ZFAND4: variants seen among roughly 807,000 people sequenced by gnomAD.
The protein encoded by ZFAND4 is AN1-type zinc finger protein 4.
Under a neutral mutation model 64.4 loss-of-function variants are expected in ZFAND4, and 43 were observed. The ratio of observed to expected loss-of-function variants is 0.67; its 90% CI spans 0.52 to 0.86. The LOEUF (loss-of-function observed/expected upper bound fraction) is 0.86, where lower values mean the gene tolerates loss of function less well. Ranked by LOEUF, ZFAND4 falls within the 40% of genes least tolerant of loss-of-function variation. ZFAND4 has a pLI of 0.00. For missense variants in ZFAND4, 929 were observed against 859.8 expected (o/e 1.08, Z -1.01); for synonymous variants, 296 against 305.7 (o/e 0.97, Z 0.33).
At chr10:45,654,635 T>C (rs948630858) in intron 2 of ZFAND4, among the ~76,000 whole-genome samples, 2 of 151,080 alleles carry the variant, frequency 1.3e-5, no homozygotes, top group African/African-American at 4.9e-5. Context: ...AAAAAAGATA[T>C]CATGAATCAG....
chr10:45,656,238 AG>A (rs2048094235), intron 2 of ZFAND4, among the ~76,000 whole-genome samples: 1 of 16,872 alleles, frequency 5.9e-5, no homozygotes, highest in Non-Finnish European at 1.1e-4. Context: ...TAAAAAGAAA[AG>A]AGAAGAGAAG....
At chr10:45,620,592 A>G (rs1383695013) in intron 8 of ZFAND4, among the ~76,000 whole-genome samples, 1 of 152,188 alleles carries the variant, frequency 6.6e-6, no homozygotes, top group Non-Finnish European at 1.5e-5. Context: ...GCCTCCATAC[A>G]TCCTTCTACC....
At chr10:45,666,631 A>G (rs2048844622) in intron 1 of ZFAND4, among the ~76,000 whole-genome samples, 1 of 152,180 alleles carries the variant, frequency 6.6e-6, no homozygotes, top group African/African-American at 2.4e-5. Flanking sequence ...TATGTTTCTA[A>G]AAATTGTAGT....
intron 6 of ZFAND4, among the ~76,000 whole-genome samples, chr10:45,633,327 T>C (rs1423995074): frequency 6.6e-6 from 1 of 152,088 alleles, no homozygotes; most frequent in Non-Finnish European, 1.5e-5. Flanking sequence ...AAAAGTGCTA[T>C]TAGATCCCAA....
intron 1 of ZFAND4, among the ~76,000 whole-genome samples, chr10:45,665,591 T>G (rs547725362): frequency 3.9e-4 from 59 of 150,644 alleles, no homozygotes; most frequent in African/African-American, 1.0e-3. Flanking sequence ...TGCCATAAAA[T>G]TCACTCATTT....
At chr10:45,630,650 C>T (rs539970064) in intron 6 of ZFAND4, among the ~76,000 whole-genome samples, 59 of 151,992 alleles carry the variant, frequency 3.9e-4, no homozygotes, top group Non-Finnish European at 5.9e-4. Context: ...GGCATGAACC[C>T]GGAAGACAAA....
intron 8 of ZFAND4, among the ~76,000 whole-genome samples, chr10:45,622,880 CT>C (rs1189445900): frequency 6.6e-6 from 1 of 151,734 alleles, no homozygotes; most frequent in Non-Finnish European, 1.5e-5. Context: ...TGGAAAGTAT[CT>C]TTAATAAAGC....
intron 9 of ZFAND4, among the ~76,000 whole-genome samples, chr10:45,617,439 GC>G: frequency 6.6e-6 from 1 of 151,958 alleles, no homozygotes; most frequent in South Asian, 2.1e-4. Flanking sequence ...ACCAGCCTAG[GC>G]AATATAGTGA....
intron 4 of ZFAND4, chr10:45,649,822 C>G (rs1004201156): frequency 6.6e-6 from 1 of 152,122 alleles, no homozygotes; most frequent in African/African-American, 2.4e-5. Flanking sequence ...AAAAACCCAA[C>G]AAAACACAAC....
At position 45,663,684 on chromosome 10, in the gene ZFAND4, G is replaced by T. The variant is rs756620121; in HGVS notation, c.42C>A (p.Asn14Lys). 6.2e-7 allele frequency: 1 copy of T among 1,605,712 alleles called. No individual in the cohort carries two copies. The change falls in exon 2 of 10, where the codon AAC becomes AAA. Residue 14 changes from asparagine (N) to lysine (K), a missense_variant. Transcript: ENST00000344646. ...RKEPPFFNDD[N>K]MGPFYYRLHF... Reference sequence around the variant, plus strand: ...GAAGTCTGTAGTAAAATGGTCCCATGTTATCATCATTGAAGAATGGAGGCT... The same window carrying T: ...GAAGTCTGTAGTAAAATGGTCCCATTTTATCATCATTGAAGAATGGAGGCT...
intron 1 of ZFAND4, among the ~76,000 whole-genome samples, chr10:45,665,659 A>G (rs2048778957): frequency 6.6e-6 from 1 of 152,176 alleles, no homozygotes; most frequent in Non-Finnish European, 1.5e-5. Context: ...CAATCACCAC[A>G]TTTGCTTTAG....
rs556476712 is a variant in ZFAND4 at position 45,635,391 on chromosome 10, G to T, written c.717+4425C>A. 3.0e-4 allele frequency among the ~76,000 whole-genome samples: 46 copies of T among 152,088 alleles called. No homozygotes were observed. The South Asian group carries it at 7.3e-3, about 24-fold the overall frequency. On this transcript the variant is annotated intron_variant, in intron 6 of 9. Transcript: ENST00000344646. ...ACAGACCCACAGTGAACTTATTTTT[G>T]ATAAAGATGCCAAGAACATACACTG...
chr10:45,627,130 C>A, intron 6 of ZFAND4, 25 bp from the exon 7 acceptor site: 1 of 1,507,068 alleles, frequency 6.6e-7, no homozygotes, highest in Non-Finnish European at 8.8e-7. Flanking sequence ...TATACAGTTT[C>A]TTTACACAGT....
chr10:45,618,994 T>TA (rs2045210111), intron 8 of ZFAND4, among the ~76,000 whole-genome samples: 1 of 152,154 alleles, frequency 6.6e-6, no homozygotes, highest in African/African-American at 2.4e-5. Context: ...CTTGAGTTTT[T>TA]ACCTTAAAAA....
At position 45,638,370 on chromosome 10, in the gene ZFAND4, T is replaced by C. The variant is rs886420417; in HGVS notation, c.717+1446A>G. On this transcript the variant is annotated intron_variant, in intron 6 of 9. Transcript: ENST00000344646. Reference sequence around the variant, plus strand: ...TTAGCCCGGCGTAGTGGCGGGCGCCTGTGGTCTCAGCTACTCAGGAGGCTG... The same window carrying C: ...TTAGCCCGGCGTAGTGGCGGGCGCCCGTGGTCTCAGCTACTCAGGAGGCTG... Among the ~76,000 whole-genome samples, 14 of 148,992 alleles carry C rather than the reference T, an allele frequency of 9.4e-5. No individual in the cohort carries two copies. In the South Asian group the frequency reaches 3.0e-3, roughly 32 times the overall value.
chr10:45,616,729 T>C (rs2133481007), intron 9 of ZFAND4, among the ~76,000 whole-genome samples, 158 bp from the exon 10 acceptor site: 2 of 152,220 alleles, frequency 1.3e-5, no homozygotes, highest in Middle Eastern at 6.8e-3. Context: ...TAAACAAGCA[T>C]AAATACCCCC....
rs1014850911 is a variant in ZFAND4, at chr10:45,672,383, G to C, written c.-251C>G. 13 of 152,466 alleles carry C rather than the reference G, an allele frequency of 8.5e-5. No individual in the cohort carries two copies. In the East Asian group the frequency reaches 2.1e-3, roughly 25 times the overall value. The allele number at this position is 152,466 out of a possible 1,614,324, so 9.4% of individuals were successfully genotyped here. On this transcript the variant is annotated 5_prime_UTR_variant, in exon 1 of 10. Transcript: ENST00000344646. ...AGCGACTCGGAGATCAGCACCCGTC[G>C]GGAAAGCCGCGTACCCGTTGAAGCT...
At position 45,643,078 on chromosome 10, in the gene ZFAND4, G is replaced by A. The variant is rs571805313; in HGVS notation, c.570-3115C>T. 3.8e-4 allele frequency among the ~76,000 whole-genome samples: 58 copies of A among 151,104 alleles called. No individual in the cohort carries two copies. In the South Asian group the frequency reaches 4.0e-3, roughly 10 times the overall value. ...TGGGATTACAGGCATGCACCATCAC[G>A]CCCGGCTAATTTTGCATTTTTAGTA... On this transcript the variant is annotated intron_variant, in intron 5 of 9. Coordinates refer to ENST00000344646, the MANE Select transcript of ZFAND4 (RefSeq NM_174890.4).
intron 3 of ZFAND4, among the ~76,000 whole-genome samples, chr10:45,652,650 A>T (rs2047834847): frequency 6.6e-6 from 1 of 152,222 alleles, no homozygotes; most frequent in Admixed American, 6.5e-5. Context: ...TTGTAAAAAC[A>T]GAAAGAAAGG....
Sources: allele counts gnomAD v4.1 joint callset (sites outside exome capture counted in the v4.1 genomes callset), GRCh38; gene constraint gnomAD v4.1.1; transcripts MANE v1.5; gene names NCBI Gene and HGNC (gene_info 2026-07-23, HGNC 2026-07-21).